The following TTBK1 variants were observed in gnomAD, a reference collection of about 807,000 sequenced individuals.
TTBK1 encodes the protein tau tubulin kinase 1.
A neutral mutation model predicts 108.5 loss-of-function variants in TTBK1; 34 were observed. The observed-to-expected ratio is 0.31, with a 90% CI of 0.24 to 0.42. TTBK1 has a LOEUF of 0.42. Among genes scored for constraint, TTBK1 ranks in the 10% least tolerant of loss-of-function variants. TTBK1 has a pLI of 1.00. For synonymous variants in TTBK1, 809 were observed against 795.1 expected, an observed-to-expected ratio of 1.02 and a Z score of -0.29; for missense variants, 1,539 against 1,826.0, an observed-to-expected ratio of 0.84 and a Z score of 2.86.
Position 43,269,871 on chromosome 6 carries a change from C to A in TTBK1, c.1986+6521C>A. On this transcript the variant is annotated intron_variant, in intron 13 of 14. Coordinates refer to ENST00000259750, the MANE Select transcript of TTBK1 (RefSeq NM_032538.3). This position sits in a 1 kb window ranked among gnomAD's most constrained non-coding sequence, Gnocchi z 4.8. Reference sequence around the variant, plus strand: ...CCACGCGCCCCTCGCTGCTGGCAACCACAGACTCATGCCCTCGGTGCTCCG... The same window carrying A: ...CCACGCGCCCCTCGCTGCTGGCAACAACAGACTCATGCCCTCGGTGCTCCG... The A allele has an allele frequency of 6.5e-7, 1 of 1,531,924 alleles. No individual in the cohort carries two copies. Among genetic ancestry groups the A allele is most frequent in the South Asian group, 1.2e-5 (1 of 83,752 alleles). The allele number at this position is 1,531,924 out of a possible 1,614,324, so 94.9% of individuals were successfully genotyped here.
At chr6:43,268,960 C>T (rs1011908559) in intron 13 of TTBK1, among the ~76,000 whole-genome samples, 3 of 152,202 alleles carry the variant, frequency 2.0e-5, no homozygotes, top group Non-Finnish European at 4.4e-5. Flanking sequence ...ATCGAATCCT[C>T]ACGACCACCC....
At chr6:43,249,868 T>C (rs1382983549) in intron 2 of TTBK1, among the ~76,000 whole-genome samples, 4 of 152,118 alleles carry the variant, frequency 2.6e-5, no homozygotes, top group Non-Finnish European at 2.9e-5. Flanking sequence ...TGAGGCACCA[T>C]GCCTGGCCTC....
chr6:43,263,232 G>C lies in TTBK1; in HGVS notation c.1868G>C (p.Gly623Ala), dbSNP rs3800294. 533,949 of 1,569,006 alleles carry C rather than the reference G, an allele frequency of 0.34. 91,154 individuals are homozygous for C. The highest frequency in any genetic ancestry group is 0.35 in the African/African-American group (25,973 of 74,162). Residue 623 changes from glycine (G) to alanine (A), a missense_variant, in exon 13 of 15, where the codon GGC (glycine) becomes GCC (alanine). Physicochemically the swap from Gly to Ala is moderately conservative, Grantham distance 60. This residue lies in a region of TTBK1 where 1,055 missense variants were observed against 1,086.5 expected (regional missense o/e 0.97). Coordinates refer to ENST00000259750, the MANE Select transcript of TTBK1 (RefSeq NM_032538.3). This position sits in a 1 kb window ranked among gnomAD's most constrained non-coding sequence, Gnocchi z 4.7. ...PQPLPPQLSQ[G>A]DGRSETSQPP... is the part of the protein sequence containing the mutation. The stretch of plus-strand genomic sequence containing the variant: ...CCCCTGCCACCCCAGCTGAGCCAGG[G>C]CGATGGCCGTTCCGAGACGTCACAG...
chr6:43,267,785 C>G (rs1265840159), intron 13 of TTBK1, among the ~76,000 whole-genome samples: 1 of 152,150 alleles, frequency 6.6e-6, no homozygotes, highest in Non-Finnish European at 1.5e-5. Context: ...TACCGGTTGT[C>G]TCTGACCGAT....
intron 13 of TTBK1, among the ~76,000 whole-genome samples, chr6:43,278,555 C>A (rs1778069036): frequency 6.6e-6 from 1 of 152,142 alleles, no homozygotes. Flanking sequence ...CAACTCTGGA[C>A]AATGTTGTGC....
intron 12 of TTBK1, among the ~76,000 whole-genome samples, chr6:43,260,648 G>A (rs1043363735): frequency 6.6e-6 from 1 of 152,166 alleles, no homozygotes; most frequent in African/African-American, 2.4e-5. Context: ...GTTTGGGAAG[G>A]GATATGAGTG....
chr6:43,263,090 C>T lies in TTBK1; in HGVS notation c.1726C>T (p.Pro576Ser). The T allele has an allele frequency of 6.4e-7, 1 of 1,571,350 alleles. No individual in the cohort carries two copies. Among genetic ancestry groups the T allele is most frequent in the Non-Finnish European group, 8.6e-7 (1 of 1,158,284 alleles). Residue 576 changes from proline (P) to serine (S), a missense_variant, in exon 13 of 15, where the codon CCA becomes TCA. By Grantham distance (74) the Pro-to-Ser change is moderately conservative. Transcript: ENST00000259750. The surrounding 1 kb of genome is among the most constrained non-coding windows in gnomAD (Gnocchi z 4.7). ...TTDEEPEELRPLPEEGEERRR... is the reference protein window; with the variant it reads ...TTDEEPEELRSLPEEGEERRR... ...GGATGAGGAGCCCGAGGAGCTGCGG[C>T]CACTGCCCGAGGAGGGCGAAGAGCG...
In TTBK1 at chr6:43,262,806, C is replaced by T. The variant is rs1192955666; in HGVS notation, c.1442C>T (p.Pro481Leu). Residue 481 changes from proline (P) to leucine (L), a missense_variant, in exon 13 of 15, where the codon CCT becomes CTT. Pro to Leu is a moderately conservative substitution (Grantham distance 98). This residue lies in a region of TTBK1 where 277 missense variants were observed against 332.4 expected (regional missense o/e 0.83). Coordinates refer to ENST00000259750, the MANE Select transcript of TTBK1 (RefSeq NM_032538.3). ...LPERRSRMDLPGSPSRQACSS... is the reference protein window; with the variant it reads ...LPERRSRMDLLGSPSRQACSS... Reference sequence around the variant, plus strand: ...CTTTGCAGGTCACGGATGGATCTGCCTGGCTCGCCCTCGCGCCAGGCCTGC... The same window carrying T: ...CTTTGCAGGTCACGGATGGATCTGCTTGGCTCGCCCTCGCGCCAGGCCTGC... 6.3e-7 allele frequency: 1 copy of T among 1,574,964 alleles called. No individual in the cohort carries two copies. The highest frequency in any genetic ancestry group is 8.6e-7 in the Non-Finnish European group (1 of 1,156,938).
rs763280344 is a variant in TTBK1, at chr6:43,283,475, G to A, written c.2735G>A (p.Gly912Glu). The change falls in exon 14 of 15, where the codon GGG becomes GAG. Residue 912 changes from glycine to glutamate, a missense_variant. Coordinates refer to ENST00000259750, the MANE Select transcript of TTBK1 (RefSeq NM_032538.3). The surrounding 1 kb of genome is among the most constrained non-coding windows in gnomAD (Gnocchi z 8.1). Reference protein sequence around the residue: ...AGLGAGTVTTGVGGVAVTSSP... With the variant: ...AGLGAGTVTTEVGGVAVTSSP... ...CTGGGGGCCGGGACAGTGACCACAG[G>A]GGTCGGGGGCGTGGCAGTCACCTCC... 2 of 1,614,090 alleles carry A rather than the reference G, an allele frequency of 1.2e-6. No individual in the cohort carries two copies. Among genetic ancestry groups the A allele is most frequent in the Non-Finnish European group, 1.7e-6 (2 of 1,179,974 alleles).
chr6:43,254,118 A>G (rs1777321683), intron 5 of TTBK1, among the ~76,000 whole-genome samples: 1 of 152,200 alleles, frequency 6.6e-6, no homozygotes, highest in African/African-American at 2.4e-5. Context: ...CTAGGAAAAA[A>G]ATCTCCAACT....
rs1220971868 is a variant in TTBK1, at chr6:43,285,112, C to T, written c.3702C>T (p.Arg1234=). 2.7e-6 allele frequency: 4 copies of T among 1,471,364 alleles called. No homozygotes were observed. The highest frequency in any genetic ancestry group is 1.5e-5 in the African/African-American group (1 of 67,706). The allele number at this position is 1,471,364 out of a possible 1,614,324, so 91.1% of individuals were successfully genotyped here. Residue 1234 remains arginine (R), a synonymous_variant, in exon 15 of 15, where the codon CGC becomes CGT. Transcript: ENST00000259750. This position sits in a 1 kb window ranked among gnomAD's most constrained non-coding sequence, Gnocchi z 4.7. ...GGCCCCCAGCGCCGCGCAGCCCGCG[C>T]CTCCCCGCGTCCACATCCGCCGCGC... ...GARPPAPRSP[R]LPASTSAARN...
rs1198919526 is a variant in TTBK1 at position 43,263,785 on chromosome 6, T to C, written c.1986+435T>C. ...TGATGCTGCAGGTTTGGTGAGCCAC[T>C]GAAGGCTTTTAAACAGGAGTGCAAT... On this transcript the variant is annotated intron_variant, in intron 13 of 14. Transcript: ENST00000259750. The surrounding 1 kb of genome is among the most constrained non-coding windows in gnomAD (Gnocchi z 4.7). 6.6e-6 allele frequency among the ~76,000 whole-genome samples: 1 copy of C among 152,228 alleles called. No individual in the cohort carries two copies. The highest frequency in any genetic ancestry group is 1.5e-5 in the Non-Finnish European group (1 of 68,044).
chr6:43,246,643 C>A lies in TTBK1; in HGVS notation c.-18C>A. 1.9e-6 allele frequency: 3 copies of A among 1,584,988 alleles called. No homozygotes were observed. The highest frequency in any genetic ancestry group is 2.6e-6 in the Non-Finnish European group (3 of 1,163,380). ...CCTCAGGGCAGGCCCGGCGGACACC[C>A]CTCCCTCTGGCTGGCGGATGCAGTG... is the stretch of plus-strand genomic sequence containing the variant. On this transcript the variant is annotated 5_prime_UTR_variant, in exon 2 of 15. Coordinates refer to ENST00000259750, the MANE Select transcript of TTBK1 (RefSeq NM_032538.3).
In TTBK1 at chr6:43,283,029, GGAGGAGGAGGAA is replaced by G; in HGVS notation, c.2301_2312del (p.Glu768_Glu771del). 6.3e-7 allele frequency: 1 copy of G among 1,582,576 alleles called. No homozygotes were observed. Among genetic ancestry groups the G allele is most frequent in the African/African-American group, 1.3e-5 (1 of 74,218 alleles). On this transcript the variant is annotated inframe_deletion, in exon 14 of 15. Transcript: ENST00000259750. This position sits in a 1 kb window ranked among gnomAD's most constrained non-coding sequence, Gnocchi z 8.1. ...AAGAGGAAGAGGAGGAGGAAGAAGA[GGAGGAGGAGGAA>G]GAGGAGGAGGAGGCTGCAGCGGCAG...
At chr6:43,275,881 G>A (rs1440220626) in intron 13 of TTBK1, among the ~76,000 whole-genome samples, 2 of 152,082 alleles carry the variant, frequency 1.3e-5, no homozygotes, top group East Asian at 1.9e-4. Context: ...CCGCTCGGAG[G>A]GGCTTCCGTG....
At chr6:43,279,257 A>G (rs548356760) in intron 13 of TTBK1, among the ~76,000 whole-genome samples, 1 of 152,306 alleles carries the variant, frequency 6.6e-6, no homozygotes, top group African/African-American at 2.4e-5. Flanking sequence ...GGGGGATCCC[A>G]TCCTCTACAT....
rs1554188816 is a variant in TTBK1 at position 43,285,624 on chromosome 6, CTCA to C, written c.*251_*253del. ...CCTCCCCTTCCTCGCCCTGTGTCCT[CTCA>C]TCCTCCCGCCGCCCGTCAGGCCGGC... is the stretch of plus-strand genomic sequence containing the variant. On this transcript the variant is annotated 3_prime_UTR_variant, in exon 15 of 15. Coordinates refer to ENST00000259750, the MANE Select transcript of TTBK1 (RefSeq NM_032538.3). This position sits in a 1 kb window ranked among gnomAD's most constrained non-coding sequence, Gnocchi z 4.7. 5.8e-6 allele frequency: 2 copies of C among 343,652 alleles called. No homozygotes were observed. The highest frequency in any genetic ancestry group is 1.0e-5 in the Non-Finnish European group (2 of 198,502). 21.3% of individuals were successfully genotyped at this position (343,652 alleles called of 1,614,324 possible).
At chr6:43,245,286 C>T (rs1777057231) in intron 1 of TTBK1, among the ~76,000 whole-genome samples, 1 of 152,142 alleles carries the variant, frequency 6.6e-6, no homozygotes. Context: ...AAGTAACTTC[C>T]CTCTTTCTCT....
At chr6:43,284,750 A>G (rs1778312515) in intron 14 of TTBK1, among the ~76,000 whole-genome samples, 1 of 152,162 alleles carries the variant, frequency 6.6e-6, no homozygotes, top group Non-Finnish European at 1.5e-5. Context: ...GAGGACCCCA[A>G]AGAAAGCCAG....
Sources: allele counts gnomAD v4.1 joint callset (sites outside exome capture counted in the v4.1 genomes callset), GRCh38; gene constraint gnomAD v4.1.1; regional missense constraint gnomAD v4.1.1; non-coding constraint Gnocchi (gnomAD v3.1); transcripts MANE v1.5; gene names NCBI Gene and HGNC (gene_info 2026-07-23, HGNC 2026-07-21).